The following MTUS2 variants were observed in gnomAD, a reference collection of about 807,000 sequenced individuals.
MTUS2 encodes the protein microtubule-associated tumor suppressor candidate 2.
Under a neutral mutation model 114.1 loss-of-function variants are expected in MTUS2, and 40 were observed. That is an observed-to-expected ratio of 0.35 (90% confidence interval 0.27 to 0.46). The LOEUF (loss-of-function observed/expected upper bound fraction) is 0.46. MTUS2 is among the 20% of genes least tolerant of loss of function. The pLI is 1.00. For synonymous variants in MTUS2, 688 were observed against 672.0 expected (o/e 1.02, Z -0.37); for missense variants, 1,679 against 1,705.4 (o/e 0.98, Z 0.27).
chr13:28,889,852 G>A (rs1387988243), intron 2 of MTUS2, among the ~76,000 whole-genome samples: 1 of 152,132 alleles, frequency 6.6e-6, no homozygotes, highest in African/African-American at 2.4e-5. Flanking sequence ...GCTCTTAAGT[G>A]GAGTTTGGGC....
At chr13:29,153,546 C>T (rs1247591086) in intron 5 of MTUS2, among the ~76,000 whole-genome samples, 6 of 152,178 alleles carry the variant, frequency 3.9e-5, no homozygotes, top group African/African-American at 1.4e-4. Context: ...TTGTGTGCTT[C>T]CGTCTCCAGG....
At chr13:29,079,534 TG>T (rs1250584480) in intron 4 of MTUS2, among the ~76,000 whole-genome samples, 1 of 152,238 alleles carries the variant, frequency 6.6e-6, no homozygotes, top group East Asian at 1.9e-4. Flanking sequence ...CCAAGAGTTT[TG>T]TAGTTTTTTC....
intron 2 of MTUS2, among the ~76,000 whole-genome samples, chr13:28,906,751 T>C (rs1033079564): frequency 2.0e-5 from 3 of 151,442 alleles, no homozygotes; most frequent in Non-Finnish European, 4.4e-5. Flanking sequence ...GGTGGAGAGT[T>C]CTGTAGATGT....
At chr13:29,030,487 C>T (rs933088093) in intron 3 of MTUS2, among the ~76,000 whole-genome samples, 19 of 152,162 alleles carry the variant, frequency 1.2e-4, no homozygotes, top group Non-Finnish European at 2.8e-4. Flanking sequence ...TCTGTGGTAA[C>T]CTTCTTTACT....
intron 7 of MTUS2, among the ~76,000 whole-genome samples, chr13:29,354,851 A>C (rs187355854): frequency 4.5e-4 from 68 of 152,370 alleles, no homozygotes; most frequent in African/African-American, 1.5e-3. Context: ...GATAAAAATA[A>C]AGCCTGTCCA....
chr13:28,862,855 T>C (rs551143516), intron 2 of MTUS2, among the ~76,000 whole-genome samples: 21 of 152,314 alleles, frequency 1.4e-4, no homozygotes, highest in South Asian at 4.1e-4. Context: ...TAAACATGTA[T>C]GAAAAAGAAG....
intron 8 of MTUS2, among the ~76,000 whole-genome samples, chr13:29,376,714 A>G (rs1483813657): frequency 1.3e-5 from 2 of 152,140 alleles, no homozygotes; most frequent in Non-Finnish European, 2.9e-5. Context: ...ACAACAGCAG[A>G]GTTTTGTAAA....
rs959739784 is a variant in MTUS2 at position 29,170,529 on chromosome 13, G to T, written c.2644+69559G>T. ...ACCCTGGGGATGAATATTTTAATCA[G>T]ATGACATGATTTATATAAAAATGCT... On this transcript the variant is annotated intron_variant, in intron 5 of 15. Transcript: ENST00000612955. Among the ~76,000 whole-genome samples, 4 of 152,202 alleles carry T rather than the reference G, an allele frequency of 2.6e-5. No homozygotes were observed. In the East Asian group the frequency reaches 7.7e-4, roughly 29 times the overall value.
intron 14 of MTUS2, among the ~76,000 whole-genome samples, chr13:29,500,649 G>C (rs1450666649): frequency 1.3e-5 from 2 of 152,160 alleles, no homozygotes; most frequent in Non-Finnish European, 2.9e-5. Context: ...GCTGGCCAAG[G>C]ATGCTGCTGC....
intron 5 of MTUS2, among the ~76,000 whole-genome samples, chr13:29,208,519 T>G (rs1395713500): frequency 6.6e-6 from 1 of 152,100 alleles, no homozygotes; most frequent in Non-Finnish European, 1.5e-5. Context: ...TCTCGAGTTG[T>G]GACCTCAGAC....
intron 4 of MTUS2, among the ~76,000 whole-genome samples, chr13:29,089,318 G>A (rs991120516): frequency 1.3e-5 from 2 of 152,204 alleles, no homozygotes; most frequent in African/African-American, 4.8e-5. Flanking sequence ...CTGCTGAAAG[G>A]TCCACTGTTA....
At chr13:28,909,369 G>A (rs11841705) in intron 2 of MTUS2, among the ~76,000 whole-genome samples, 19,318 of 151,802 alleles carry the variant, frequency 0.13, 1,469 homozygotes, top group African/African-American at 0.2. Context: ...ATTTCATTGA[G>A]CAGTGGTTTG....
At chr13:29,324,511 T>TA (rs1311110865) in intron 6 of MTUS2, 102 bp from the exon 7 acceptor site, 2 of 752,446 alleles carry the variant, frequency 2.7e-6, no homozygotes, top group Admixed American at 4.9e-5. Flanking sequence ...CTTTTGTTGA[T>TA]ATGTTTGACT....
intron 2 of MTUS2, among the ~76,000 whole-genome samples, chr13:28,914,033 A>T (rs1419625031): frequency 6.6e-6 from 1 of 151,540 alleles, no homozygotes; most frequent in African/African-American, 2.4e-5. Context: ...AGTCTATTTT[A>T]TTAATTTTTT....
chr13:29,312,918 A>G (rs1444442037), intron 6 of MTUS2, among the ~76,000 whole-genome samples: 1 of 152,220 alleles, frequency 6.6e-6, no homozygotes, highest in Non-Finnish European at 1.5e-5. Context: ...AGAAAGATAA[A>G]AAGCTATTTC....
At chr13:29,139,524 CTAATA>C (rs1210544047) in intron 5 of MTUS2, among the ~76,000 whole-genome samples, 1 of 151,636 alleles carries the variant, frequency 6.6e-6, no homozygotes, top group African/African-American at 2.4e-5. Context: ...ATTCTAATAT[CTAATA>C]TAATACTAAA....
intron 5 of MTUS2, among the ~76,000 whole-genome samples, chr13:29,157,037 A>G (rs977528135): frequency 1.3e-5 from 2 of 152,206 alleles, no homozygotes; most frequent in Non-Finnish European, 2.9e-5. Flanking sequence ...CAACATTTAT[A>G]AGATTCATCC....
At chr13:29,006,579 G>A (rs963245434) in intron 2 of MTUS2, among the ~76,000 whole-genome samples, 2 of 152,152 alleles carry the variant, frequency 1.3e-5, no homozygotes, top group Non-Finnish European at 2.9e-5. Flanking sequence ...AAAGCAGAGG[G>A]TGCCACATTC....
At chr13:28,823,421 G>C (rs1874044725) in intron 1 of MTUS2, among the ~76,000 whole-genome samples, 1 of 152,182 alleles carries the variant, frequency 6.6e-6, no homozygotes, top group Non-Finnish European at 1.5e-5. Flanking sequence ...TCTCTGAAAT[G>C]ATTTCTACTT....
Sources: allele counts gnomAD v4.1 joint callset (sites outside exome capture counted in the v4.1 genomes callset), GRCh38; gene constraint gnomAD v4.1.1; transcripts MANE v1.5; gene names NCBI Gene and HGNC (gene_info 2026-07-23, HGNC 2026-07-21).